The following CACHD1 variants were observed in gnomAD, a reference collection of about 807,000 sequenced individuals.
CACHD1 encodes the protein VWFA and cache domain-containing protein 1.
A neutral mutation model predicts 138.7 loss-of-function variants in CACHD1; 71 were observed. The observed-to-expected ratio is 0.51, with a 90% CI of 0.42 to 0.62. The LOEUF (loss-of-function observed/expected upper bound fraction) is 0.62. Ranked by LOEUF, CACHD1 falls within the 20% of genes least tolerant of loss-of-function variation. CACHD1 has a pLI of 0.00. For synonymous variants in CACHD1, 578 were observed against 591.5 expected (o/e 0.98, Z 0.33); for missense variants, 1,389 against 1,625.3 (o/e 0.85, Z 2.50).
At chr1:64,664,426 C>T in intron 14 of CACHD1, 72 bp from the exon 15 acceptor site, 1 of 1,449,160 alleles carries the variant, frequency 6.9e-7, no homozygotes, top group African/African-American at 1.4e-5. Context: ...GCTTTGGGAA[C>T]ACTGCCAGCA....
intron 12 of CACHD1, among the ~76,000 whole-genome samples, chr1:64,655,014 A>G (rs1649219055): frequency 1.3e-5 from 2 of 152,360 alleles, no homozygotes; most frequent in Admixed American, 6.5e-5. Context: ...ATAATTGTTC[A>G]TGATGAATTC....
intron 1 of CACHD1, among the ~76,000 whole-genome samples, chr1:64,499,755 A>G (rs1646326951): frequency 6.6e-6 from 1 of 152,254 alleles, no homozygotes; most frequent in East Asian, 1.9e-4. Flanking sequence ...CTTTGAAATT[A>G]CAGTAGTTGT....
intron 21 of CACHD1, 84 bp from the exon 22 acceptor site, chr1:64,676,807 ATCTG>A (rs1008660856): frequency 3.9e-6 from 4 of 1,020,938 alleles, no homozygotes; most frequent in African/African-American, 1.6e-5. Flanking sequence ...TCAAACCCAA[ATCTG>A]TCTGACTGCT....
intron 2 of CACHD1, among the ~76,000 whole-genome samples, chr1:64,568,450 A>G (rs1398626752): frequency 2.0e-5 from 3 of 152,100 alleles, no homozygotes; most frequent in Admixed American, 6.5e-5. Context: ...AGCCTGGACA[A>G]TAGTCAGGAT....
intron 1 of CACHD1, among the ~76,000 whole-genome samples, chr1:64,545,001 T>G (rs1435683149): frequency 6.6e-6 from 1 of 152,194 alleles, no homozygotes; most frequent in East Asian, 1.9e-4. Context: ...TGTGAATTGC[T>G]AGGTGACTCT....
chr1:64,500,000 T>A (rs1248213193), intron 1 of CACHD1, among the ~76,000 whole-genome samples: 2 of 152,202 alleles, frequency 1.3e-5, no homozygotes, highest in African/African-American at 4.8e-5. Context: ...ATCCTTATTA[T>A]TTCAGTGATT....
At chr1:64,625,086 A>T (rs1357123498) in intron 4 of CACHD1, among the ~76,000 whole-genome samples, 1 of 152,208 alleles carries the variant, frequency 6.6e-6, no homozygotes, top group Non-Finnish European at 1.5e-5. Flanking sequence ...CTGGCCCATT[A>T]CAGAAGTTGG....
chr1:64,562,830 C>T (rs1005057315), intron 2 of CACHD1, among the ~76,000 whole-genome samples: 4 of 152,122 alleles, frequency 2.6e-5, no homozygotes, highest in Admixed American at 6.6e-5. Context: ...TTTAACATTT[C>T]GTCTGCTCAT....
At chr1:64,566,185 G>A (rs1646879016) in intron 2 of CACHD1, among the ~76,000 whole-genome samples, 1 of 151,990 alleles carries the variant, frequency 6.6e-6, no homozygotes, top group Admixed American at 6.6e-5. Context: ...GTTTTTCATT[G>A]TGTATCTTTC....
intron 2 of CACHD1, among the ~76,000 whole-genome samples, chr1:64,570,421 A>G (rs775286356): frequency 1.3e-5 from 2 of 152,192 alleles, no homozygotes; most frequent in Non-Finnish European, 2.9e-5. Flanking sequence ...AGCAGCCATT[A>G]GTTTAGTCCT....
At chr1:64,565,670 G>C (rs767922373) in intron 2 of CACHD1, among the ~76,000 whole-genome samples, 3 of 152,206 alleles carry the variant, frequency 2.0e-5, no homozygotes, top group Non-Finnish European at 4.4e-5. Flanking sequence ...AAGAGAGCCT[G>C]AGAGGAGACA....
intron 4 of CACHD1, among the ~76,000 whole-genome samples, chr1:64,611,631 A>G (rs1233529766): frequency 6.6e-6 from 1 of 152,132 alleles, no homozygotes. Context: ...TTCCTCATCC[A>G]CATGTGAGAC....
intron 3 of CACHD1, among the ~76,000 whole-genome samples, chr1:64,599,578 A>G (rs1383211478): frequency 6.6e-6 from 1 of 152,182 alleles, no homozygotes; most frequent in African/African-American, 2.4e-5. Context: ...GGTCGGATAG[A>G]TTATTGTTGA....
chr1:64,618,604 A>G (rs1440817175), intron 4 of CACHD1, among the ~76,000 whole-genome samples: 1 of 152,212 alleles, frequency 6.6e-6, no homozygotes, highest in Non-Finnish European at 1.5e-5. Flanking sequence ...AGAATAGTAT[A>G]TGGCAAAACA....
At chr1:64,642,011 C>T (rs373487537) in intron 8 of CACHD1, 42 bp downstream of exon 8, 54 of 1,467,134 alleles carry the variant, frequency 3.7e-5, no homozygotes, top group East Asian at 7.6e-5. Flanking sequence ...TCAAAGATCC[C>T]TCTAAGTGTA....
At chr1:64,484,093 G>GAT (rs1324881379) in intron 1 of CACHD1, among the ~76,000 whole-genome samples, 1 of 152,048 alleles carries the variant, frequency 6.6e-6, no homozygotes, top group African/African-American at 2.4e-5. Flanking sequence ...ATTGTTCAAT[G>GAT]CTATATTCCT....
chr1:64,486,346 G>GCA (rs1557458582), intron 1 of CACHD1, among the ~76,000 whole-genome samples: 1 of 142,278 alleles, frequency 7.0e-6, no homozygotes, highest in African/African-American at 3.0e-5. Flanking sequence ...TTTTGAGAGC[G>GCA]CGCGCACACA....
chr1:64,674,370 A>G (rs964170151), intron 19 of CACHD1, among the ~76,000 whole-genome samples: 43 of 152,186 alleles, frequency 2.8e-4, no homozygotes, highest in African/African-American at 9.9e-4. Context: ...TTGTCATAGG[A>G]AAGTCTGACT....
At chr1:64,679,572 A>G (rs1377733380) in intron 23 of CACHD1, 23 bp from the exon 24 acceptor site, 4 of 1,611,728 alleles carry the variant, frequency 2.5e-6, no homozygotes, top group African/African-American at 1.3e-5. Flanking sequence ...AACAAGAAAC[A>G]TCTTCTTGCT....
Sources: gnomAD v4.1 joint callset for allele counts (sites outside exome capture counted in the v4.1 genomes callset) on GRCh38, gnomAD v4.1.1 for gene constraint, MANE v1.5 for transcripts, NCBI Gene and HGNC (gene_info 2026-07-23, HGNC 2026-07-21) for gene names.